Variants in KIAA1671 observed in about 807,000 individuals in gnomAD.
The protein encoded by KIAA1671 is KIAA1671.
Under a neutral mutation model 131.2 loss-of-function variants are expected in KIAA1671, and 52 were observed. The observed-to-expected ratio is 0.40, with a 90% CI of 0.32 to 0.50. KIAA1671 has a LOEUF of 0.50. KIAA1671 is among the 20% of genes least tolerant of loss of function. KIAA1671 has a pLI of 0.73. For missense variants in KIAA1671, 2,360 were observed against 2,364.2 expected, an observed-to-expected ratio of 1.00 and a Z score of 0.04; for synonymous variants, 1,003 against 961.6, an observed-to-expected ratio of 1.04 and a Z score of -0.80.
chr22:25,148,118 GGAA>G (rs1932923125), intron 6 of KIAA1671, among the ~76,000 whole-genome samples: 1 of 151,826 alleles, frequency 6.6e-6, no homozygotes, highest in African/African-American at 2.4e-5. Context: ...TTTGGCCCTG[GGAA>G]GAAGGAGGTA....
At chr22:25,065,267 C>G (rs1165962021) in intron 6 of KIAA1671, 1 of 152,144 alleles carries the variant, frequency 6.6e-6, no homozygotes, top group Non-Finnish European at 1.5e-5. Flanking sequence ...GTGTCAGTTC[C>G]CAAAGCAGGG....
rs910955887 is a variant in KIAA1671 at position 25,039,008 on chromosome 22, C to G, written c.1878C>G (p.Asp626Glu). Residue 626 changes from aspartate to glutamate, a missense_variant, in exon 5 of 13, where the codon GAC becomes GAG. Asp to Glu is a conservative substitution (Grantham distance 45, BLOSUM62 2). This residue lies in a region of KIAA1671 where 1,185 missense variants were observed against 1,126.2 expected (regional missense o/e 1.05). Transcript: ENST00000358431. ...EHHVERHTVADQSGRCLSTTP... is the reference protein window; with the variant it reads ...EHHVERHTVAEQSGRCLSTTP... ...ACGTGGAGAGACACACAGTGGCTGA[C>G]CAGTCGGGACGTTGTCTCTCCACCA... 20 of 1,551,608 alleles carry G rather than the reference C, an allele frequency of 1.3e-5. No homozygotes were observed. The African/African-American group carries it at 2.5e-4, about 19-fold the overall frequency.
chr22:25,094,752 A>T (rs1175436361), intron 6 of KIAA1671, among the ~76,000 whole-genome samples: 1 of 152,116 alleles, frequency 6.6e-6, no homozygotes, highest in East Asian at 1.9e-4. Flanking sequence ...TTACCGTCTG[A>T]GCCTGGCCCC....
intron 6 of KIAA1671, among the ~76,000 whole-genome samples, chr22:25,093,740 C>CTCTCTTTCTCTCTCTCTCTCTG (rs1930166673): frequency 3.0e-5 from 3 of 101,546 alleles, no homozygotes; most frequent in Middle Eastern, 5.0e-3. Context: ...CACACACACT[C>CTCTCTTTCTCTCTCTCTCTCTG]TCTCTCTCTC....
Position 25,096,709 on chromosome 22 carries a change from G to A in KIAA1671, c.4530+47345G>A, listed in dbSNP as rs576528913. Among the ~76,000 whole-genome samples the A allele has an allele frequency of 2.1e-3, 319 of 152,262 alleles. 2 individuals are homozygous for A. The highest frequency in any genetic ancestry group is 3.3e-3 in the Non-Finnish European group (226 of 68,028). On this transcript the variant is annotated intron_variant, in intron 6 of 12. Transcript: ENST00000358431. ...ATGTGTATTCCCGTGGAACCGTCAC[G>A]GCAGTGAAAATAATAAGCACGTTCC...
chr22:25,058,391 T>C (rs915732419), intron 6 of KIAA1671: 2 of 152,202 alleles, frequency 1.3e-5, no homozygotes, highest in African/African-American at 4.8e-5. Context: ...TCCGATTTTC[T>C]CAGTTTTAAT....
In KIAA1671 at chr22:25,028,892, T is replaced by G; in HGVS notation, c.893T>G (p.Leu298Arg). The change falls in exon 3 of 13, where the codon CTG becomes CGG. Residue 298 changes from leucine to arginine, a missense_variant. By Grantham distance (102) the Leu-to-Arg change is moderately radical. Around this residue, in one of 3 missense-constraint regions of KIAA1671, gnomAD observed 1,185 missense variants for 1,126.2 expected, o/e 1.05. Transcript: ENST00000358431. ...CGGTTTGAGAACAAAGAGGCCTTGCTGAGGAAGGTGGCCGATGAAGGAAGT... is the reference window on the plus strand; with the variant it reads ...CGGTTTGAGAACAAAGAGGCCTTGCGGAGGAAGGTGGCCGATGAAGGAAGT... ...TARFENKEALLRKVADEGSGP... is the reference protein window; with the variant it reads ...TARFENKEALRRKVADEGSGP... The G allele has an allele frequency of 1.9e-6, 3 of 1,551,504 alleles. No individual in the cohort carries two copies.
At chr22:25,105,967 G>A (rs1390682813) in intron 6 of KIAA1671, among the ~76,000 whole-genome samples, 1 of 152,212 alleles carries the variant, frequency 6.6e-6, no homozygotes, top group South Asian at 2.1e-4. Context: ...GTTGGGAGGA[G>A]CTGATGGTGT....
intron 6 of KIAA1671, among the ~76,000 whole-genome samples, chr22:25,132,240 A>G (rs1932473881): frequency 6.6e-6 from 1 of 152,184 alleles, no homozygotes; most frequent in African/African-American, 2.4e-5. Flanking sequence ...AACTATTGTT[A>G]GAGAACGGAG....
chr22:24,954,893 G>T (rs1921609966), intron 1 of KIAA1671, among the ~76,000 whole-genome samples: 1 of 152,098 alleles, frequency 6.6e-6, no homozygotes, highest in African/African-American at 2.4e-5. Flanking sequence ...CAATTCTCCG[G>T]CCTCAGCCTC....
chr22:25,115,611 G>T (rs1026697402), intron 6 of KIAA1671, among the ~76,000 whole-genome samples: 2 of 152,120 alleles, frequency 1.3e-5, no homozygotes, highest in Non-Finnish European at 2.9e-5. Flanking sequence ...TGTAATGTGA[G>T]TCCTACCTTC....
chr22:25,039,769 A>G lies in KIAA1671; in HGVS notation c.2639A>G (p.Gln880Arg). The stretch of plus-strand genomic sequence containing the variant: ...GGAGTGGGAGCAAGGGGCCCACCCC[A>G]GGGATGCCCCCTCGATCCTCTTTCC... ...KPGVGARGPP[Q>R]GCPLDPLSRA... The change falls in exon 5 of 13, where the codon CAG becomes CGG. Residue 880 changes from glutamine to arginine, a missense_variant. Physicochemically the swap from Gln to Arg is conservative, Grantham distance 43. Transcript: ENST00000358431. 1 of 1,501,472 alleles carries G rather than the reference A, an allele frequency of 6.7e-7. No homozygotes were observed. Among genetic ancestry groups the G allele is most frequent in the Non-Finnish European group, 8.9e-7 (1 of 1,120,422 alleles). 93.0% of individuals were successfully genotyped at this position (1,501,472 alleles called of 1,614,324 possible). A position where few individuals can be genotyped will look rare whatever the true frequency, so the allele number is the denominator to read the frequency against.
chr22:24,957,665 T>C (rs1921781674), intron 1 of KIAA1671, among the ~76,000 whole-genome samples: 1 of 147,314 alleles, frequency 6.8e-6, no homozygotes, highest in Non-Finnish European at 1.5e-5. Context: ...CTAAGCTCTT[T>C]TGTTCCTTTT....
At chr22:25,149,543 C>G (rs1358806622) in intron 6 of KIAA1671, among the ~76,000 whole-genome samples, 1 of 152,128 alleles carries the variant, frequency 6.6e-6, no homozygotes, top group Non-Finnish European at 1.5e-5. Flanking sequence ...AGCATCTTGC[C>G]TCCTCCCTTC....
intron 1 of KIAA1671, among the ~76,000 whole-genome samples, chr22:24,984,407 G>A (rs1348508944): frequency 6.6e-6 from 1 of 152,168 alleles, no homozygotes; most frequent in Non-Finnish European, 1.5e-5. Context: ...CAACACACCT[G>A]GAGGCAAAGG....
chr22:25,154,937 C>T (rs1300927942), intron 6 of KIAA1671, among the ~76,000 whole-genome samples: 1 of 152,204 alleles, frequency 6.6e-6, no homozygotes, highest in East Asian at 1.9e-4. Flanking sequence ...GCTGTTCCTT[C>T]TGGCTGCTTT....
intron 1 of KIAA1671, among the ~76,000 whole-genome samples, chr22:24,965,762 GA>G (rs1922274528): frequency 7.4e-6 from 1 of 134,892 alleles, no homozygotes; most frequent in Non-Finnish European, 1.6e-5. Context: ...AAAAAAAAAA[GA>G]AAAGGATGAG....
chr22:24,973,560 A>AT (rs1166245261), intron 1 of KIAA1671, among the ~76,000 whole-genome samples: 1 of 151,082 alleles, frequency 6.6e-6, no homozygotes, highest in African/African-American at 2.4e-5. Context: ...TGCCCGGCTA[A>AT]TTTTTTTGTA....
At chr22:25,079,657 A>G (rs1186012688) in intron 6 of KIAA1671, among the ~76,000 whole-genome samples, 1 of 152,208 alleles carries the variant, frequency 6.6e-6, no homozygotes, top group Non-Finnish European at 1.5e-5. Context: ...GCACAGGCAC[A>G]TTTGCAGAAC....
Sources: allele counts gnomAD v4.1 joint callset (sites outside exome capture counted in the v4.1 genomes callset), GRCh38; gene constraint gnomAD v4.1.1; regional missense constraint gnomAD v4.1.1; transcripts MANE v1.5; gene names NCBI Gene and HGNC (gene_info 2026-07-23, HGNC 2026-07-21).